Variants in ADH1A observed in about 807,000 individuals in gnomAD.
The protein encoded by ADH1A is alcohol dehydrogenase 1A (class I), alpha polypeptide, also known as alcohol dehydrogenase 1A.
Under a neutral mutation model 35.2 loss-of-function variants are expected in ADH1A, and 29 were observed. The observed-to-expected ratio is 0.82, with a 90% CI of 0.61 to 1.12. The LOEUF (loss-of-function observed/expected upper bound fraction) is 1.12. ADH1A is among the 50% of genes most tolerant of loss of function. ADH1A has a pLI of 0.00. For missense variants in ADH1A, 469 were observed against 464.7 expected (o/e 1.01, Z -0.09); for synonymous variants, 147 against 164.8 (o/e 0.89, Z 0.83).
chr4:99,285,903 CCCCAGATA>C (rs758335714), intron 3 of ADH1A, among the ~76,000 whole-genome samples: 1 of 151,098 alleles, frequency 6.6e-6, no homozygotes, highest in African/African-American at 2.4e-5. Flanking sequence ...GCACCTGTGG[CCCCAGATA>C]CCCGGTAGGC....
At chr4:99,281,572 C>T (rs1442824010) in intron 6 of ADH1A, among the ~76,000 whole-genome samples, 3 of 152,128 alleles carry the variant, frequency 2.0e-5, no homozygotes, top group South Asian at 2.1e-4. Flanking sequence ...TGCCACTGTA[C>T]TTCAGCCTAA....
chr4:99,287,738 T>C (rs1477970439), intron 1 of ADH1A, 73 bp from the exon 2 acceptor site: 10 of 1,530,832 alleles, frequency 6.5e-6, no homozygotes, highest in Non-Finnish European at 9.0e-6. Flanking sequence ...CATTTCATCT[T>C]TGTACATACA....
chr4:99,278,275 C>A (rs1411828734), intron 8 of ADH1A, among the ~76,000 whole-genome samples: 12 of 151,932 alleles, frequency 7.9e-5, no homozygotes. Context: ...TGATAACTAA[C>A]CTTTGATGGC....
At chr4:99,279,387 G>GA (rs35613639) in intron 8 of ADH1A, 39 bp downstream of exon 8, 84 of 1,565,816 alleles carry the variant, frequency 5.4e-5, no homozygotes, top group South Asian at 7.3e-5. Flanking sequence ...CCCTATGGTA[G>GA]AAAAAAAAGC....
Position 99,279,572 on chromosome 4 carries a change from G to C in ADH1A, c.965-8C>G, listed in dbSNP as rs773760678. ...ATTCTTTACTTTTAAAGCCTGAAAA[G>C]AAGATGGTATCATTGTTAGATTCAA... On this transcript the variant is annotated splice_region_variant and splice_polypyrimidine_tract_variant and intron_variant, in intron 7 of 8. Transcript: ENST00000209668. 52 of 1,606,122 alleles carry C rather than the reference G, an allele frequency of 3.2e-5. No homozygotes were observed. The highest frequency in any genetic ancestry group is 4.3e-5 in the Non-Finnish European group (51 of 1,177,682).
chr4:99,290,380 C>A (rs1002916933), intron 1 of ADH1A, among the ~76,000 whole-genome samples: 1 of 152,252 alleles, frequency 6.6e-6, no homozygotes, highest in Non-Finnish European at 1.5e-5. Flanking sequence ...CTTGATGATT[C>A]TAATGCTGTG....
chr4:99,279,525 T>C lies in ADH1A; in HGVS notation c.1004A>G (p.Asp335Gly). The stretch of plus-strand genomic sequence containing the variant: ...CAATGAAAACTTCTTAGCCATAAAA[T>C]CAGCCACAAGTTTTGGGACACATTC... ...SKECVPKLVA[D>G]FMAKKFSLDA... The change falls in exon 8 of 9, where the codon GAT becomes GGT. Residue 335 changes from aspartate (D) to glycine (G), a missense_variant. By Grantham distance (94) the Asp-to-Gly change is moderately conservative. Coordinates refer to ENST00000209668, the MANE Select transcript of ADH1A (RefSeq NM_000667.4). 1 of 1,610,980 alleles carries C rather than the reference T, an allele frequency of 6.2e-7. No individual in the cohort carries two copies.
chr4:99,282,641 A>G, intron 5 of ADH1A, 35 bp from the exon 6 acceptor site: 2 of 1,599,820 alleles, frequency 1.3e-6, no homozygotes, highest in South Asian at 1.1e-5. Flanking sequence ...TGGATTATAA[A>G]AACTTTATAA....
intron 3 of ADH1A, among the ~76,000 whole-genome samples, chr4:99,286,052 T>G (rs1733145476): frequency 6.6e-6 from 1 of 151,898 alleles, no homozygotes. Context: ...GTGATTTTTT[T>G]AGAATTAAAC....
At chr4:99,282,728 A>G in intron 5 of ADH1A, 122 bp from the exon 6 acceptor site, 1 of 1,452,344 alleles carries the variant, frequency 6.9e-7, no homozygotes, top group Non-Finnish European at 9.2e-7. Flanking sequence ...TTTTGGCTTC[A>G]GTTGCTTTAT....
In ADH1A at chr4:99,284,516, G is replaced by A. The variant is rs143808002; in HGVS notation, c.450C>T (p.Tyr150=). 20 of 1,614,106 alleles carry A rather than the reference G, an allele frequency of 1.2e-5. No individual in the cohort carries two copies. Among genetic ancestry groups the A allele is most frequent in the Non-Finnish European group, 1.7e-5 (20 of 1,180,032 alleles). The change falls in exon 5 of 9, where the codon TAC becomes TAT. Residue 150 remains tyrosine, a synonymous_variant. Transcript: ENST00000209668. Reference sequence around the variant, plus strand: ...CTACTGCATTTTCATCCACCACTGTGTACTGTGAGAAGGTGCTGATGCCAA... The same window carrying A: ...CTACTGCATTTTCATCCACCACTGTATACTGTGAGAAGGTGCTGATGCCAA... ...HFLGISTFSQ[Y]TVVDENAVAK...
chr4:99,279,260 C>G (rs1339209208), intron 8 of ADH1A, among the ~76,000 whole-genome samples, 166 bp downstream of exon 8: 1 of 152,066 alleles, frequency 6.6e-6, no homozygotes, highest in Non-Finnish European at 1.5e-5. Flanking sequence ...TAGCATCTCA[C>G]AGAGGTTTTA....
In ADH1A at chr4:99,287,579, A is replaced by C; in HGVS notation, c.105T>G (p.His35Gln). Residue 35 changes from histidine (H) to glutamine (Q), a missense_variant, in exon 2 of 9, where the codon CAT becomes CAG. Transcript: ENST00000209668. Reference sequence around the variant, plus strand: ...TGTATTTCACCTTAATACGAACTTCATGGGCCTTAGGAGGTGCAACCTCCA... The same window carrying C: ...TGTATTTCACCTTAATACGAACTTCCTGGGCCTTAGGAGGTGCAACCTCCA... The part of the protein sequence containing the change: ...EEVEVAPPKA[H>Q]EVRIKMVAVG... The C allele has an allele frequency of 1.2e-6, 2 of 1,613,250 alleles. No individual in the cohort carries two copies. Among genetic ancestry groups the C allele is most frequent in the South Asian group, 1.1e-5 (1 of 90,950 alleles).
At chr4:99,287,270 ATAGAAG>A (rs904187748) in intron 2 of ADH1A, among the ~76,000 whole-genome samples, 19 of 152,362 alleles carry the variant, frequency 1.2e-4, no homozygotes, top group South Asian at 4.1e-4. Context: ...CCTTTAAAAA[ATAGAAG>A]TAGAAGTTGC....
In ADH1A at chr4:99,287,775, AC is replaced by A. The variant is rs1416160857; in HGVS notation, c.19-111del. The A allele has an allele frequency of 9.2e-6, 11 of 1,190,282 alleles. No individual in the cohort carries two copies. In the African/African-American group the frequency reaches 1.7e-4, roughly 18 times the overall value. 73.7% of individuals were successfully genotyped at this position (1,190,282 alleles called of 1,614,324 possible). ...CATCTAATCCCATGTCTGGTACCTA[AC>A]AAGTGCTCTATAGAAATGATCACCT... On this transcript the variant is annotated intron_variant, in intron 1 of 8. Coordinates refer to ENST00000209668, the MANE Select transcript of ADH1A (RefSeq NM_000667.4).
At chr4:99,283,218 A>G (rs958817145) in intron 5 of ADH1A, among the ~76,000 whole-genome samples, 2 of 152,208 alleles carry the variant, frequency 1.3e-5, no homozygotes, top group Non-Finnish European at 2.9e-5. Flanking sequence ...TTTTAATAAT[A>G]AAATATATTG....
chr4:99,276,496 G>T lies in ADH1A; in HGVS notation c.*128C>A. On this transcript the variant is annotated 3_prime_UTR_variant, in exon 9 of 9. Transcript: ENST00000209668. The stretch of plus-strand genomic sequence containing the variant: ...ACATCAATTTCCATTTCTTTGGAAA[G>T]CCCCCAAATGTAATTTATTGATAAA... The T allele has an allele frequency of 1.2e-6, 1 of 825,182 alleles. No individual in the cohort carries two copies. The highest frequency in any genetic ancestry group is 2.0e-6 in the Non-Finnish European group (1 of 499,388). 51.1% of individuals were successfully genotyped at this position (825,182 alleles called of 1,614,324 possible).
At position 99,284,718 on chromosome 4, in the gene ADH1A, G is replaced by A. The variant is rs1412779396; in HGVS notation, c.345C>T (p.Asn115=). ...CAGGGAGAGCATCAGAAACCTACTC[G>A]TTTTTCAAGCAGTAGTTGCTCTCCG... is the stretch of plus-strand genomic sequence containing the variant. The part of the protein sequence containing the change: ...KNPESNYCLK[N]DVSNPQGTLQ... Residue 115 remains asparagine, a splice_region_variant and synonymous_variant, in exon 4 of 9, where the codon AAC becomes AAT. Transcript: ENST00000209668. 7 of 1,613,994 alleles carry A rather than the reference G, an allele frequency of 4.3e-6. No homozygotes were observed. The highest frequency in any genetic ancestry group is 2.7e-5 in the African/African-American group (2 of 75,010).
chr4:99,285,368 A>G (rs1244018302), intron 3 of ADH1A, among the ~76,000 whole-genome samples: 1 of 152,190 alleles, frequency 6.6e-6, no homozygotes, highest in Admixed American at 6.5e-5. Context: ...TGGGACAAAG[A>G]ACAATTCCAG....
Sources: gnomAD v4.1 joint callset for allele counts (sites outside exome capture counted in the v4.1 genomes callset) on GRCh38, gnomAD v4.1.1 for gene constraint, MANE v1.5 for transcripts, NCBI Gene and HGNC (gene_info 2026-07-23, HGNC 2026-07-21) for gene names.